The following UNC5B variants were observed in gnomAD, a reference collection of about 807,000 sequenced individuals.
UNC5B encodes the protein unc-5 netrin receptor B, also known as netrin receptor UNC5B.
A neutral mutation model predicts 103.7 loss-of-function variants in UNC5B; 56 were observed. That is an observed-to-expected ratio of 0.54 (90% CI 0.44 to 0.67). The LOEUF (loss-of-function observed/expected upper bound fraction) is 0.67, where lower values mean the gene tolerates loss of function less well. Among genes scored for constraint, UNC5B ranks in the 30% least tolerant of loss-of-function variants. The probability of loss-of-function intolerance (pLI) is 0.00; values close to 1 mark genes in which losing one functional copy is unlikely to be tolerated. For missense variants in UNC5B, 1,194 were observed against 1,284.5 expected (o/e 0.93, Z 1.08); for synonymous variants, 577 against 542.0 (o/e 1.06, Z -0.90).
chr10:71,279,224 C>A (rs1844850064), intron 1 of UNC5B, among the ~76,000 whole-genome samples: 1 of 152,170 alleles, frequency 6.6e-6, no homozygotes, highest in African/African-American at 2.4e-5. Context: ...GGAGGGCTTC[C>A]CCTGGGAGAG....
chr10:71,236,897 A>G (rs1386009000), intron 1 of UNC5B, among the ~76,000 whole-genome samples: 1 of 152,238 alleles, frequency 6.6e-6, no homozygotes, highest in East Asian at 1.9e-4. Flanking sequence ...GGAGCTCACA[A>G]AATTCCACTT....
intron 1 of UNC5B, among the ~76,000 whole-genome samples, chr10:71,263,204 T>C (rs1042799214): frequency 1.3e-5 from 2 of 152,208 alleles, no homozygotes; most frequent in Admixed American, 6.5e-5. Context: ...CAAAGAGCAC[T>C]GGACTAAGTC....
At position 71,299,325 on chromosome 10, in the gene UNC5B, G is replaced by C. The variant is rs372183952; in HGVS notation, c.*48G>C. 1.2e-6 allele frequency: 2 copies of C among 1,603,652 alleles called. No homozygotes were observed. The highest frequency in any genetic ancestry group is 2.0e-4 in the Middle Eastern group (1 of 5,072). ...CAGGGACTGGCAGGAGGCAGGTGCA[G>C]GGAGGCCTGGGGCAGCCTCCTGATG... is the stretch of plus-strand genomic sequence containing the variant. On this transcript the variant is annotated 3_prime_UTR_variant, in exon 17 of 17. Coordinates refer to ENST00000335350, the MANE Select transcript of UNC5B (RefSeq NM_170744.5).
intron 5 of UNC5B, 41 bp from the exon 6 acceptor site, chr10:71,287,557 T>G (rs1226177580): frequency 1.3e-6 from 2 of 1,556,766 alleles, no homozygotes; most frequent in Non-Finnish European, 1.7e-6. Flanking sequence ...GGCAGAGGGT[T>G]CCAGAGCCAA....
chr10:71,225,746 G>A (rs940187771), intron 1 of UNC5B, among the ~76,000 whole-genome samples: 2 of 152,214 alleles, frequency 1.3e-5, no homozygotes, highest in African/African-American at 4.8e-5. Context: ...TCTCTGAGTT[G>A]CTCCCACACT....
rs545922648 is a variant in UNC5B, at chr10:71,302,087, C to G, written c.*2810C>G. On this transcript the variant is annotated 3_prime_UTR_variant, in exon 17 of 17. Transcript: ENST00000335350. ...GCTCTATGAGAAATGCCCAGAAAGGCTTTGCCGACTCCATCCGTCTGTGGA... is the reference window on the plus strand; with the variant it reads ...GCTCTATGAGAAATGCCCAGAAAGGGTTTGCCGACTCCATCCGTCTGTGGA... The G allele has an allele frequency of 1.5e-4, 22 of 148,680 alleles. No individual in the cohort carries two copies. The highest frequency in any genetic ancestry group is 4.6e-4 in the African/African-American group (19 of 41,286). The allele number at this position is 148,680 out of a possible 1,614,324, so 9.2% of individuals were successfully genotyped here. A position where few individuals can be genotyped will look rare whatever the true frequency, so the allele number is the denominator to read the frequency against.
intron 2 of UNC5B, among the ~76,000 whole-genome samples, chr10:71,280,297 G>A (rs1299685814): frequency 6.6e-6 from 1 of 152,096 alleles, no homozygotes; most frequent in African/African-American, 2.4e-5. Context: ...TTCCCGTCAG[G>A]TGGGGGTTCT....
chr10:71,221,588 G>A (rs1347685712), intron 1 of UNC5B, among the ~76,000 whole-genome samples: 1 of 152,224 alleles, frequency 6.6e-6, no homozygotes, highest in Admixed American at 6.5e-5. Context: ...AAAACCATGG[G>A]CCTGACTCTT....
chr10:71,295,598 T>C (rs1206311542), intron 13 of UNC5B, among the ~76,000 whole-genome samples: 1 of 152,236 alleles, frequency 6.6e-6, no homozygotes, highest in East Asian at 1.9e-4. Flanking sequence ...CATACGGTCA[T>C]CTATAGATTC....
At chr10:71,234,972 C>A (rs1283372254) in intron 1 of UNC5B, among the ~76,000 whole-genome samples, 1 of 152,196 alleles carries the variant, frequency 6.6e-6, no homozygotes, top group Non-Finnish European at 1.5e-5. Context: ...TCCCACTGGT[C>A]TCCTGGCCCA....
At chr10:71,246,781 C>T (rs531110011) in intron 1 of UNC5B, among the ~76,000 whole-genome samples, 2 of 152,370 alleles carry the variant, frequency 1.3e-5, no homozygotes, top group Admixed American at 1.3e-4. Context: ...AGACTATATT[C>T]GTAGTGTCAA....
intron 1 of UNC5B, among the ~76,000 whole-genome samples, chr10:71,216,994 C>A (rs943966108): frequency 6.6e-6 from 1 of 152,190 alleles, no homozygotes; most frequent in African/African-American, 2.4e-5. Context: ...CAGGAAAGGG[C>A]AGAGGGGGCT....
Position 71,291,663 on chromosome 10 carries a change from G to A in UNC5B, c.1526G>A (p.Gly509Asp). Residue 509 changes from glycine to aspartate, a missense_variant, in exon 10 of 17, where the codon GGC (glycine) becomes GAC (aspartate). Coordinates refer to ENST00000335350, the MANE Select transcript of UNC5B (RefSeq NM_170744.5). The stretch of plus-strand genomic sequence containing the variant: ...GACCTGCTGGGGGTCTTGCCGCCTG[G>A]CACATACCCTAGCGATTTCGCCCGG... Reference protein sequence around the residue: ...GADLLGVLPPGTYPSDFARDT... With the variant: ...GADLLGVLPPDTYPSDFARDT... The A allele has an allele frequency of 6.2e-7, 1 of 1,613,760 alleles. No homozygotes were observed. Among genetic ancestry groups the A allele is most frequent in the Non-Finnish European group, 8.5e-7 (1 of 1,180,042 alleles).
intron 1 of UNC5B, among the ~76,000 whole-genome samples, chr10:71,271,020 C>T (rs1844634486): frequency 6.6e-6 from 1 of 152,114 alleles, no homozygotes; most frequent in Non-Finnish European, 1.5e-5. Context: ...AGGGGGCTTG[C>T]CACCTGTCAC....
At chr10:71,251,554 A>G (rs180889689) in intron 1 of UNC5B, among the ~76,000 whole-genome samples, 7 of 152,324 alleles carry the variant, frequency 4.6e-5, no homozygotes, top group Admixed American at 3.9e-4. Flanking sequence ...ATCATGTGCC[A>G]TTGTGTCAGG....
At chr10:71,218,699 G>A (rs146761198) in intron 1 of UNC5B, among the ~76,000 whole-genome samples, 15 of 152,352 alleles carry the variant, frequency 9.8e-5, no homozygotes, top group African/African-American at 3.4e-4. Flanking sequence ...GTCTTCTGCA[G>A]TCAACTCCCA....
chr10:71,279,795 C>T (rs758261181), intron 1 of UNC5B, 26 bp from the exon 2 acceptor site: 4 of 1,604,834 alleles, frequency 2.5e-6, no homozygotes, highest in Non-Finnish European at 2.6e-6. Flanking sequence ...CACACAGCCT[C>T]ATGGAGGTCT....
chr10:71,301,974 C>A lies in UNC5B; in HGVS notation c.*2697C>A. ...GAAGTGCAGCCAGCCACCCAGGTGC[C>A]ATTTCCAGTCTGACTTCCAGAAATG... is the stretch of plus-strand genomic sequence containing the variant. On this transcript the variant is annotated 3_prime_UTR_variant, in exon 17 of 17. Coordinates refer to ENST00000335350, the MANE Select transcript of UNC5B (RefSeq NM_170744.5). The A allele has an allele frequency of 6.6e-6, 1 of 152,382 alleles. No homozygotes were observed. The highest frequency in any genetic ancestry group is 1.5e-5 in the Non-Finnish European group (1 of 68,068). 9.4% of individuals were successfully genotyped at this position (152,382 alleles called of 1,614,324 possible).
intron 1 of UNC5B, among the ~76,000 whole-genome samples, chr10:71,270,922 A>G (rs1008094187): frequency 2.6e-5 from 4 of 152,182 alleles, no homozygotes; most frequent in Non-Finnish European, 5.9e-5. Flanking sequence ...ACCCTGAGAA[A>G]GGCACTGTGG....
Sources: allele counts gnomAD v4.1 joint callset (sites outside exome capture counted in the v4.1 genomes callset), GRCh38; gene constraint gnomAD v4.1.1; transcripts MANE v1.5; gene names NCBI Gene and HGNC (gene_info 2026-07-23, HGNC 2026-07-21).